Variants in BEND5 observed in about 807,000 individuals in gnomAD.
BEND5 encodes BEN domain-containing protein 5.
A neutral mutation model predicts 43.9 loss-of-function variants in BEND5; 22 were observed. The observed-to-expected ratio is 0.50, with a 90% CI of 0.36 to 0.72. The LOEUF (loss-of-function observed/expected upper bound fraction) is 0.72. BEND5 is among the 30% of genes least tolerant of loss of function. BEND5 has a pLI of 0.00. For synonymous variants in BEND5, 228 were observed against 225.9 expected, an observed-to-expected ratio of 1.01 and a Z score of -0.08; for missense variants, 428 against 550.6, an observed-to-expected ratio of 0.78 and a Z score of 2.23.
intron 3 of BEND5, among the ~76,000 whole-genome samples, chr1:48,744,970 A>G (rs1650505686): frequency 6.8e-6 from 1 of 147,018 alleles, no homozygotes; most frequent in Non-Finnish European, 1.5e-5. Flanking sequence ...CTCCTTTGTG[A>G]GGCTTGATTG....
At chr1:48,769,526 AACACACACACACACACACACAC>A (rs558937968) in intron 1 of BEND5, among the ~76,000 whole-genome samples, 10 of 130,216 alleles carry the variant, frequency 7.7e-5, no homozygotes, top group Admixed American at 6.3e-4. Context: ...GAGGATTTAA[AACACACACACACACACACACAC>A]ACACACACAC....
intron 1 of BEND5, among the ~76,000 whole-genome samples, chr1:48,772,432 GC>G (rs1450208303): frequency 6.6e-6 from 1 of 152,168 alleles, no homozygotes; most frequent in Non-Finnish European, 1.5e-5. Flanking sequence ...GCAGGCAGAG[GC>G]CCCATATCAG....
At chr1:48,741,717 T>C (rs974822706) in intron 4 of BEND5, among the ~76,000 whole-genome samples, 2 of 152,192 alleles carry the variant, frequency 1.3e-5, no homozygotes, top group African/African-American at 2.4e-5. Context: ...CAGAGAATGA[T>C]ACTAAATAAA....
At chr1:48,742,257 C>T (rs1451091802) in intron 4 of BEND5, among the ~76,000 whole-genome samples, 2 of 152,124 alleles carry the variant, frequency 1.3e-5, no homozygotes, top group South Asian at 2.1e-4. Context: ...ATTTCCAGTT[C>T]ACCTGATAAA....
chr1:48,733,109 G>A (rs960355341), intron 5 of BEND5, among the ~76,000 whole-genome samples: 9 of 152,132 alleles, frequency 5.9e-5, no homozygotes, highest in Non-Finnish European at 7.4e-5. Context: ...GGTGTAGCTC[G>A]TCTTTCCAGG....
At chr1:48,749,675 G>A (rs1557942133) in intron 3 of BEND5, among the ~76,000 whole-genome samples, 2 of 152,172 alleles carry the variant, frequency 1.3e-5, no homozygotes, top group African/African-American at 4.8e-5. Context: ...CAATCATGAG[G>A]GGTGCGGTGG....
In BEND5 at chr1:48,736,603, T is replaced by G. The variant is rs964610600; in HGVS notation, c.895-151A>C. 6 of 685,208 alleles carry G rather than the reference T, an allele frequency of 8.8e-6. No individual in the cohort carries two copies. The highest frequency in any genetic ancestry group is 1.5e-5 in the Non-Finnish European group (6 of 407,332). The allele number at this position is 685,208 out of a possible 1,614,324, so 42.4% of individuals were successfully genotyped here. On this transcript the variant is annotated intron_variant, in intron 4 of 5. Coordinates refer to ENST00000371833, the MANE Select transcript of BEND5 (RefSeq NM_024603.4). This position sits in a 1 kb window ranked among gnomAD's most constrained non-coding sequence, Gnocchi z 4.0. Reference sequence around the variant, plus strand: ...TCTCTTTAAGGGTAATCGTAATAGCTATCATCTACTGAATACGTGTAGTGT... The same window carrying G: ...TCTCTTTAAGGGTAATCGTAATAGCGATCATCTACTGAATACGTGTAGTGT...
At chr1:48,758,571 C>T (rs3738311) in intron 3 of BEND5, among the ~76,000 whole-genome samples, 117,846 of 152,220 alleles carry the variant, frequency 0.77, 47,105 homozygotes, top group Non-Finnish European at 0.89. Context: ...CCTGAAACCT[C>T]CTTGGAGAGG....
At chr1:48,756,298 C>T (rs566698274) in intron 3 of BEND5, among the ~76,000 whole-genome samples, 4 of 152,292 alleles carry the variant, frequency 2.6e-5, no homozygotes, top group Non-Finnish European at 5.9e-5. Context: ...TCTCTGACCC[C>T]TCAAAATCTG....
chr1:48,745,207 G>A (rs1650554236), intron 3 of BEND5, among the ~76,000 whole-genome samples: 1 of 152,142 alleles, frequency 6.6e-6, no homozygotes, highest in South Asian at 2.1e-4. Flanking sequence ...TTAATGGGCT[G>A]GGAGAAAGAT....
intron 3 of BEND5, among the ~76,000 whole-genome samples, chr1:48,747,163 T>G (rs573318383): frequency 6.6e-6 from 1 of 152,378 alleles, no homozygotes; most frequent in South Asian, 2.1e-4. Flanking sequence ...GCACTTGCGT[T>G]AAGAGACAGC....
chr1:48,745,132 C>T lies in BEND5; in HGVS notation c.746-2361G>A, dbSNP rs145510589. Among the ~76,000 whole-genome samples the T allele has an allele frequency of 6.3e-4, 96 of 152,270 alleles. 2 individuals carry two copies. In the South Asian group the frequency reaches 0.013, roughly 20 times the overall value. ...TTTAGCATCTTGGAGCGTAGGGAAGCGCCTGGCACATGGCAGGCTCTTAGT... is the reference window on the plus strand; with the variant it reads ...TTTAGCATCTTGGAGCGTAGGGAAGTGCCTGGCACATGGCAGGCTCTTAGT... On this transcript the variant is annotated intron_variant, in intron 3 of 5. Transcript: ENST00000371833.
chr1:48,765,442 T>C (rs1570584550), intron 1 of BEND5, among the ~76,000 whole-genome samples: 2 of 152,182 alleles, frequency 1.3e-5, no homozygotes, highest in Admixed American at 6.5e-5. Context: ...TGTAAAGATA[T>C]TGGAACTCTC....
intron 5 of BEND5, among the ~76,000 whole-genome samples, chr1:48,729,325 C>A (rs1647716224): frequency 6.6e-6 from 1 of 152,106 alleles, no homozygotes; most frequent in Non-Finnish European, 1.5e-5. Context: ...TAAGGGAACA[C>A]AAATATTCTG....
chr1:48,753,289 A>G (rs1156803618), intron 3 of BEND5, among the ~76,000 whole-genome samples: 1 of 152,244 alleles, frequency 6.6e-6, no homozygotes, highest in East Asian at 1.9e-4. Flanking sequence ...GAAAACAGAC[A>G]CCTGAGAAGG....
At chr1:48,759,384 C>T (rs1644133508) in intron 2 of BEND5, 100 bp from the exon 3 acceptor site, 2 of 1,465,746 alleles carry the variant, frequency 1.4e-6, no homozygotes, top group Admixed American at 2.3e-5. Flanking sequence ...CACAGAATCA[C>T]AGAACATCAG....
intron 5 of BEND5, among the ~76,000 whole-genome samples, chr1:48,729,634 G>A (rs1048615433): frequency 6.6e-6 from 1 of 151,764 alleles, no homozygotes; most frequent in Non-Finnish European, 1.5e-5. Flanking sequence ...GTAGGTATGG[G>A]GCAGAATCCA....
chr1:48,744,675 A>G (rs1557934953), intron 3 of BEND5, among the ~76,000 whole-genome samples: 2 of 152,218 alleles, frequency 1.3e-5, no homozygotes, highest in African/African-American at 2.4e-5. Context: ...ATCCATCTCT[A>G]TAAAGGCCAT....
In BEND5 at chr1:48,741,164, C is replaced by T. The variant is rs570914347; in HGVS notation, c.894+1459G>A. On this transcript the variant is annotated intron_variant, in intron 4 of 5. Coordinates refer to ENST00000371833, the MANE Select transcript of BEND5 (RefSeq NM_024603.4). ...TACTTTAAGAAAAACTCTCTAGTCA[C>T]TCCACAATGTGTTCATGACTAAAAA... is the stretch of plus-strand genomic sequence containing the variant. 1.5e-4 allele frequency among the ~76,000 whole-genome samples: 23 copies of T among 152,308 alleles called. No individual in the cohort carries two copies. In the South Asian group the frequency reaches 4.8e-3, roughly 32 times the overall value.
Sources: allele counts gnomAD v4.1 joint callset (sites outside exome capture counted in the v4.1 genomes callset), GRCh38; gene constraint gnomAD v4.1.1; non-coding constraint Gnocchi (gnomAD v3.1); transcripts MANE v1.5; gene names NCBI Gene and HGNC (gene_info 2026-07-23, HGNC 2026-07-21).